The following SOX5 variants were observed in gnomAD, a reference collection of about 807,000 sequenced individuals.
SOX5 encodes the protein transcription factor SOX-5.
SOX5 carries 9 observed loss-of-function variants against 92.0 expected under a neutral mutation model. The observed-to-expected ratio is 0.10, with a 90% confidence interval of 0.06 to 0.17. SOX5 has a LOEUF of 0.17. SOX5 is among the 10% of genes least tolerant of loss of function. The probability of loss-of-function intolerance (pLI) is 1.00; values close to 1 mark genes in which losing one functional copy is unlikely to be tolerated. For synonymous variants in SOX5, 344 were observed against 336.3 expected (o/e 1.02, Z -0.25); for missense variants, 642 against 944.5 (o/e 0.68, Z 4.20).
At chr12:24,287,202 T>C (rs76160603) in intron 2 of SOX5, among the ~76,000 whole-genome samples, 4,050 of 152,264 alleles carry the variant, frequency 0.027, 113 homozygotes, top group East Asian at 0.073. Context: ...AGAGAAAAGA[T>C]ATTCATATTT....
intron 2 of SOX5, among the ~76,000 whole-genome samples, chr12:24,338,032 C>G (rs1031644644): frequency 6.6e-6 from 1 of 152,084 alleles, no homozygotes; most frequent in African/African-American, 2.4e-5. Flanking sequence ...ATCTTAAAAT[C>G]ATTCAAGAAA....
At chr12:23,754,680 T>C (rs2094305936) in intron 4 of SOX5, among the ~76,000 whole-genome samples, 3 of 151,874 alleles carry the variant, frequency 2.0e-5, no homozygotes, top group African/African-American at 7.2e-5. Flanking sequence ...TTAAGACTGA[T>C]GCTTTGCCTT....
At position 23,751,741 on chromosome 12, in the gene SOX5, G is replaced by A. The variant is rs2094186487; in HGVS notation, c.568+3897C>T. Among the ~76,000 whole-genome samples, 4 of 151,856 alleles carry A rather than the reference G, an allele frequency of 2.6e-5. No homozygotes were observed. In the Admixed American group the frequency reaches 2.6e-4, roughly 10 times the overall value. ...TTATTGGCAGTTCTAGAAGTGTTTG[G>A]TGTTTGCCTTTATAGCCCTTCTTCT... On this transcript the variant is annotated intron_variant, in intron 4 of 14. Coordinates refer to ENST00000451604, the MANE Select transcript of SOX5 (RefSeq NM_006940.6).
At chr12:24,349,588 C>G (rs1953803562) in intron 2 of SOX5, among the ~76,000 whole-genome samples, 1 of 152,170 alleles carries the variant, frequency 6.6e-6, no homozygotes, top group Non-Finnish European at 1.5e-5. Flanking sequence ...AAGGCTTATT[C>G]ATATAATAGC....
intron 2 of SOX5, among the ~76,000 whole-genome samples, chr12:24,282,487 T>C (rs526058): frequency 0.7 from 105,607 of 150,756 alleles, 38,205 homozygotes; most frequent in East Asian, 0.9. Context: ...AATGCGAGAA[T>C]AATGTCAGGC....
At chr12:23,982,343 T>C (rs1949652043) in intron 4 of SOX5, among the ~76,000 whole-genome samples, 1 of 152,230 alleles carries the variant, frequency 6.6e-6, no homozygotes, top group Non-Finnish European at 1.5e-5. Flanking sequence ...GGGTATAACA[T>C]TTACACTTCC....
Position 23,642,830 on chromosome 12 carries a change from G to A in SOX5, c.932-1933C>T, listed in dbSNP as rs1272477055. ...GGGCCGGGCGCGGTGGCTCACGCCT[G>A]TAATCCCAGCACTTTGGGAGGCCGA... On this transcript the variant is annotated intron_variant, in intron 7 of 14. Transcript: ENST00000451604. Among the ~76,000 whole-genome samples, 2 of 147,012 alleles carry A rather than the reference G, an allele frequency of 1.4e-5. 1 individual carries two copies. The highest frequency in any genetic ancestry group is 4.9e-5 in the African/African-American group (2 of 41,096).
At chr12:24,173,352 A>G (rs1295680455) in intron 4 of SOX5, among the ~76,000 whole-genome samples, 1 of 152,216 alleles carries the variant, frequency 6.6e-6, no homozygotes, top group African/African-American at 2.4e-5. Context: ...CACTGGACAG[A>G]CTGATGTGAC....
chr12:23,995,801 G>C (rs1363919058), intron 4 of SOX5, among the ~76,000 whole-genome samples: 1 of 152,120 alleles, frequency 6.6e-6, no homozygotes, highest in Non-Finnish European at 1.5e-5. Flanking sequence ...GCTCATCGTA[G>C]TTACATATTA....
intron 9 of SOX5, 60 bp from the exon 10 acceptor site, chr12:23,575,898 A>T: frequency 7.6e-7 from 1 of 1,316,490 alleles, no homozygotes; most frequent in Non-Finnish European, 1.0e-6. Flanking sequence ...AATGCCTAGA[A>T]AAACACAGGT....
intron 1 of SOX5, among the ~76,000 whole-genome samples, chr12:24,408,069 A>C (rs753816399): frequency 1.3e-5 from 2 of 152,170 alleles, no homozygotes; most frequent in Non-Finnish European, 2.9e-5. Context: ...CAGAGAAAGG[A>C]ATGTTCCAGA....
intron 2 of SOX5, among the ~76,000 whole-genome samples, chr12:24,284,707 T>G (rs1414432836): frequency 2.0e-5 from 3 of 152,208 alleles, no homozygotes; most frequent in Admixed American, 6.5e-5. Context: ...TAACCCCATC[T>G]ATTCCCTTTG....
chr12:23,542,701 T>C (rs911331596), intron 13 of SOX5, among the ~76,000 whole-genome samples: 1 of 152,232 alleles, frequency 6.6e-6, no homozygotes, highest in African/African-American at 2.4e-5. Context: ...TCTGAAAATC[T>C]AAAACTGATT....
intron 4 of SOX5, among the ~76,000 whole-genome samples, chr12:24,036,911 C>T (rs17482853): frequency 1.5e-4 from 23 of 152,004 alleles, no homozygotes; most frequent in Admixed American, 1.5e-3. Flanking sequence ...TTTAAATTAA[C>T]ACACACATTC....
chr12:24,168,023 C>A (rs1953630514), intron 4 of SOX5, among the ~76,000 whole-genome samples: 1 of 152,136 alleles, frequency 6.6e-6, no homozygotes. Context: ...CACCTCAATT[C>A]TTTTTTTCTT....
intron 4 of SOX5, among the ~76,000 whole-genome samples, chr12:24,053,580 T>A (rs948965401): frequency 1.3e-5 from 2 of 152,162 alleles, no homozygotes; most frequent in Non-Finnish European, 2.9e-5. Flanking sequence ...CAAATCCCTA[T>A]AAATAGTGAT....
chr12:23,547,669 C>T (rs992135968), intron 11 of SOX5, among the ~76,000 whole-genome samples: 2 of 152,044 alleles, frequency 1.3e-5, no homozygotes, highest in East Asian at 3.9e-4. Flanking sequence ...GTACTCTATT[C>T]ATCAAATTAT....
chr12:23,909,728 G>T (rs1260861166), intron 1 of SOX5, among the ~76,000 whole-genome samples: 1 of 152,088 alleles, frequency 6.6e-6, no homozygotes, highest in Non-Finnish European at 1.5e-5. Flanking sequence ...TGTCTAACAT[G>T]CTGACCACTG....
chr12:24,270,189 T>C (rs1943548450), intron 3 of SOX5, among the ~76,000 whole-genome samples: 2 of 151,828 alleles, frequency 1.3e-5, no homozygotes. Context: ...GCCTCCCGAG[T>C]GGCTGAGATT....
Sources: allele counts gnomAD v4.1 joint callset (sites outside exome capture counted in the v4.1 genomes callset), GRCh38; gene constraint gnomAD v4.1.1; transcripts MANE v1.5; gene names NCBI Gene and HGNC (gene_info 2026-07-23, HGNC 2026-07-21).